ADTRP: variants seen among roughly 807,000 people sequenced by gnomAD.
ADTRP encodes androgen dependent TFPI regulating protein, also known as androgen-dependent TFPI-regulating protein.
Under a neutral mutation model 27.0 loss-of-function variants are expected in ADTRP, and 20 were observed. That is an observed-to-expected ratio of 0.74 (90% CI 0.52 to 1.08). The LOEUF (loss-of-function observed/expected upper bound fraction) is 1.08, where lower values mean the gene tolerates loss of function less well. Ranked by LOEUF, ADTRP falls within the 50% of genes least tolerant of loss-of-function variation. The pLI, the probability that ADTRP is intolerant of heterozygous loss-of-function variation, is 0.00. For missense variants in ADTRP, 251 were observed against 275.0 expected, an observed-to-expected ratio of 0.91 and a Z score of 0.62; for synonymous variants, 101 against 105.2, an observed-to-expected ratio of 0.96 and a Z score of 0.25.
intron 3 of ADTRP, chr6:11,736,542 C>G (rs1327420114): frequency 6.6e-6 from 1 of 152,608 alleles, no homozygotes; most frequent in Non-Finnish European, 1.5e-5. Flanking sequence ...TAGACCGAGG[C>G]TGTCTCCTTC....
At chr6:11,745,743 C>A (rs953687926) in intron 3 of ADTRP, among the ~76,000 whole-genome samples, 9 of 152,124 alleles carry the variant, frequency 5.9e-5, no homozygotes, top group African/African-American at 2.2e-4. Flanking sequence ...TTATTAAAAA[C>A]ATATAACTAC....
intron 2 of ADTRP, among the ~76,000 whole-genome samples, chr6:11,767,095 G>T (rs1763596736): frequency 6.6e-6 from 1 of 152,234 alleles, no homozygotes; most frequent in Non-Finnish European, 1.5e-5. Context: ...GCTATAGCCA[G>T]ACTTGGTGGC....
chr6:11,756,396 C>T (rs1763215837), intron 3 of ADTRP, among the ~76,000 whole-genome samples: 1 of 152,040 alleles, frequency 6.6e-6, no homozygotes, highest in South Asian at 2.1e-4. Context: ...AGTTTGGTGA[C>T]TTGATGTGAA....
At chr6:11,759,395 T>TC (rs1763329459) in intron 3 of ADTRP, among the ~76,000 whole-genome samples, 1 of 152,266 alleles carries the variant, frequency 6.6e-6, no homozygotes, top group Non-Finnish European at 1.5e-5. Flanking sequence ...TTCTGAGCTT[T>TC]ACCTTTTCTA....
chr6:11,741,773 T>C (rs900244536), intron 3 of ADTRP, among the ~76,000 whole-genome samples: 1 of 151,648 alleles, frequency 6.6e-6, no homozygotes, highest in Non-Finnish European at 1.5e-5. Context: ...ATCAGGAATA[T>C]ATCCACCTCT....
In ADTRP at chr6:11,758,188, T is replaced by C. The variant is rs1362007651; in HGVS notation, c.390+8086A>G. Among the ~76,000 whole-genome samples the C allele has an allele frequency of 2.0e-5, 3 of 152,200 alleles. No homozygotes were observed. In the East Asian group the frequency reaches 5.8e-4, roughly 29 times the overall value. ...TTATTCTGCACTCTTTGACAGCATC[T>C]TGTGGCTTGTTCTTTGACTTTTTAT... On this transcript the variant is annotated intron_variant, in intron 3 of 5. Transcript: ENST00000414691.
chr6:11,752,983 G>C (rs1450559493), intron 3 of ADTRP, among the ~76,000 whole-genome samples: 1 of 152,124 alleles, frequency 6.6e-6, no homozygotes, highest in Non-Finnish European at 1.5e-5. Flanking sequence ...ATAACAATGC[G>C]GAGAATTAAG....
chr6:11,723,405 T>G lies in ADTRP; in HGVS notation c.602A>C (p.Tyr201Ser), dbSNP rs910647386. 1.2e-6 allele frequency: 2 copies of G among 1,613,958 alleles called. No individual in the cohort carries two copies. Among genetic ancestry groups the G allele is most frequent in the Non-Finnish European group, 1.7e-6 (2 of 1,180,030 alleles). ...TAGGTAGATGCTGGCGATGAAGACG[T>G]AGCTGAGAGAGAAGAAAGCTGCTAG... Reference protein sequence around the residue: ...LGLAAFFSLSYVFIASIYLLG... With the variant: ...LGLAAFFSLSSVFIASIYLLG... Residue 201 changes from tyrosine to serine, a missense_variant, in exon 5 of 6, where the codon TAC becomes TCC. Transcript: ENST00000414691.
rs1161737333 is a variant in ADTRP at position 11,713,750 on chromosome 6, G to A, written c.*728C>T. 6.6e-6 allele frequency: 1 copy of A among 152,178 alleles called. No individual in the cohort carries two copies. Among genetic ancestry groups the A allele is most frequent in the Non-Finnish European group, 1.5e-5 (1 of 68,028 alleles). 9.4% of individuals were successfully genotyped at this position (152,178 alleles called of 1,614,324 possible). On this transcript the variant is annotated 3_prime_UTR_variant, in exon 6 of 6. Coordinates refer to ENST00000414691, the MANE Select transcript of ADTRP (RefSeq NM_032744.4). ...TTTTGACAATGTCACTATGTTTGAT[G>A]TTTATACCTGCCCTGAATGCTTGCT...
chr6:11,767,994 T>G (rs1763630870), intron 2 of ADTRP, among the ~76,000 whole-genome samples: 1 of 152,130 alleles, frequency 6.6e-6, no homozygotes, highest in South Asian at 2.1e-4. Flanking sequence ...CTTTCAAACT[T>G]CCCCATTAGA....
intron 3 of ADTRP, among the ~76,000 whole-genome samples, chr6:11,746,502 C>T (rs894076777): frequency 8.5e-5 from 13 of 152,082 alleles, no homozygotes; most frequent in Non-Finnish European, 1.5e-4. Context: ...TTCCCCACTC[C>T]CCAAAGTTGT....
At chr6:11,741,255 T>C (rs2113254647) in intron 3 of ADTRP, among the ~76,000 whole-genome samples, 1 of 152,268 alleles carries the variant, frequency 6.6e-6, no homozygotes, top group South Asian at 2.1e-4. Context: ...AAAAACAAGA[T>C]GAATAAATGG....
intron 1 of ADTRP, among the ~76,000 whole-genome samples, chr6:11,774,944 A>G (rs1370295200): frequency 6.6e-6 from 1 of 152,192 alleles, no homozygotes; most frequent in Non-Finnish European, 1.5e-5. Flanking sequence ...CACCCATGGC[A>G]CTGCCTTGGT....
At position 11,778,780 on chromosome 6, in the gene ADTRP, C is replaced by T. The variant is rs375904713; in HGVS notation, c.-21G>A. ...GTCATGGCGAGTGCTGACCGGGGCA[C>T]CGTGAATGTCTTGAGTACTTTCTGG... On this transcript the variant is annotated 5_prime_UTR_variant, in exon 1 of 6. In the 5' UTR this introduces an upstream ATG that the reference lacks. Coordinates refer to ENST00000414691, the MANE Select transcript of ADTRP (RefSeq NM_032744.4). 2.7e-4 allele frequency: 430 copies of T among 1,610,372 alleles called. 1 individual carries two copies. The highest frequency in any genetic ancestry group is 3.6e-4 in the Non-Finnish European group (420 of 1,177,564).
chr6:11,741,419 A>G (rs1762711666), intron 3 of ADTRP, among the ~76,000 whole-genome samples: 1 of 152,228 alleles, frequency 6.6e-6, no homozygotes, highest in African/African-American at 2.4e-5. Context: ...GGAAACATGA[A>G]TAGTCTTTAC....
At chr6:11,768,223 A>G (rs1763637844) in intron 2 of ADTRP, 26 bp downstream of exon 2, 1 of 1,613,500 alleles carries the variant, frequency 6.2e-7, no homozygotes, top group South Asian at 1.1e-5. Context: ...TTTCTGTTAG[A>G]TTATGTACAC....
At chr6:11,762,154 C>T (rs940167901) in intron 3 of ADTRP, among the ~76,000 whole-genome samples, 15 of 152,230 alleles carry the variant, frequency 9.9e-5, no homozygotes, top group Admixed American at 7.9e-4. Context: ...GGCATTTTGA[C>T]TTCCCAGCAC....
intron 3 of ADTRP, among the ~76,000 whole-genome samples, chr6:11,754,779 C>T (rs147031892): frequency 2.0e-5 from 3 of 152,136 alleles, no homozygotes; most frequent in African/African-American, 7.2e-5. Flanking sequence ...CAGCCTACAG[C>T]GTGTCTGCCT....
chr6:11,774,566 G>C (rs1763891341), intron 1 of ADTRP, among the ~76,000 whole-genome samples: 1 of 151,936 alleles, frequency 6.6e-6, no homozygotes, highest in East Asian at 1.9e-4. Context: ...CGACGGAGCT[G>C]CCTGGGGCTT....
Sources: allele counts gnomAD v4.1 joint callset (sites outside exome capture counted in the v4.1 genomes callset), GRCh38; gene constraint gnomAD v4.1.1; transcripts MANE v1.5; gene names NCBI Gene and HGNC (gene_info 2026-07-23, HGNC 2026-07-21).